Variants in SEC14L1 observed in about 807,000 individuals in gnomAD.
The protein encoded by SEC14L1 is SEC14 like lipid binding 1, also known as SEC14-like protein 1.
SEC14L1 carries 48 observed loss-of-function variants against 85.3 expected under a neutral mutation model. The ratio of observed to expected loss-of-function variants is 0.56; its 90% CI spans 0.45 to 0.72. The LOEUF is 0.72. Among genes scored for constraint, SEC14L1 ranks in the 30% least tolerant of loss-of-function variants. The pLI is 0.00. For synonymous variants in SEC14L1, 391 were observed against 355.5 expected (o/e 1.10, Z -1.12); for missense variants, 682 against 921.4 (o/e 0.74, Z 3.36).
At position 77,213,130 on chromosome 17, in the gene SEC14L1, A is replaced by G. The variant is rs1976851749; in HGVS notation, c.1864-184A>G. Among the ~76,000 whole-genome samples the G allele has an allele frequency of 6.6e-6, 1 of 152,258 alleles. No homozygotes were observed. Among genetic ancestry groups the G allele is most frequent in the Non-Finnish European group, 1.5e-5 (1 of 68,044 alleles). On this transcript the variant is annotated intron_variant, in intron 15 of 16. Coordinates refer to ENST00000436233, the MANE Select transcript of SEC14L1 (RefSeq NM_001143998.2). This position sits in a 1 kb window ranked among gnomAD's most constrained non-coding sequence, Gnocchi z 7.1. ...CCAGCACCCGGGAGTGACCACACTC[A>G]GTAGAGGGAAGGACATTGTCAAACC...
intron 10 of SEC14L1, among the ~76,000 whole-genome samples, chr17:77,205,048 G>A (rs77628826): frequency 0.067 from 10,266 of 152,246 alleles, 453 homozygotes; most frequent in East Asian, 0.27. Context: ...TTGGATAGCC[G>A]TTACCTTTGC....
chr17:77,207,563 A>G (rs951617940), intron 13 of SEC14L1, among the ~76,000 whole-genome samples: 3 of 151,966 alleles, frequency 2.0e-5, no homozygotes, highest in African/African-American at 4.8e-5. Context: ...GCGATTCTTC[A>G]GTCTCAGCCT....
In SEC14L1 at chr17:77,113,225, C is replaced by T. The variant is rs536169897; in HGVS notation, c.-136+19878C>T. ...ACTAGGATTTTTACAATATGTGAAACGAATTCTATCTTGAGAACAGAGTAT... is the reference window on the plus strand; with the variant it reads ...ACTAGGATTTTTACAATATGTGAAATGAATTCTATCTTGAGAACAGAGTAT... On this transcript the variant is annotated intron_variant, in intron 3 of 19. Coordinates refer to the SEC14L1 transcript ENST00000392476. Among the ~76,000 whole-genome samples the T allele has an allele frequency of 1.2e-4, 18 of 152,200 alleles. No homozygotes were observed. In the South Asian group the frequency reaches 2.5e-3, roughly 21 times the overall value.
chr17:77,194,811 C>A lies in SEC14L1; in HGVS notation c.609C>A (p.Ser203=). The A allele has an allele frequency of 3.1e-6, 5 of 1,614,222 alleles. No individual in the cohort carries two copies. Among genetic ancestry groups the A allele is most frequent in the Non-Finnish European group, 4.2e-6 (5 of 1,180,046 alleles). ...CATCCTCCAAGAAACAAGCAGCGTC[C>A]ATGGCCGTCGTCATCCCAGAAGCTG... ...SSSSSKKQAA[S]MAVVIPEAAL... The change falls in exon 7 of 17, where the codon TCC becomes TCA. Residue 203 remains serine (S), a synonymous_variant. Transcript: ENST00000436233.
At chr17:77,160,690 A>T (rs1974017614) in intron 3 of SEC14L1, among the ~76,000 whole-genome samples, 1 of 152,226 alleles carries the variant, frequency 6.6e-6, no homozygotes, top group Non-Finnish European at 1.5e-5. Flanking sequence ...TAGTGTCTTT[A>T]TAATTCTCTA....
In SEC14L1 at chr17:77,213,760, C is replaced by T; in HGVS notation, c.2043-158C>T. The T allele has an allele frequency of 9.9e-7, 1 of 1,005,810 alleles. No homozygotes were observed. The allele number at this position is 1,005,810 out of a possible 1,614,324, so 62.3% of individuals were successfully genotyped here. The stretch of plus-strand genomic sequence containing the variant: ...TGCAGGCTGTGGGAAGCCGGTCCCC[C>T]TGGTGGGTTACTCATGTCCATCCCC... On this transcript the variant is annotated intron_variant, in intron 16 of 16. Coordinates refer to ENST00000436233, the MANE Select transcript of SEC14L1 (RefSeq NM_001143998.2). The surrounding 1 kb of genome is among the most constrained non-coding windows in gnomAD (Gnocchi z 7.1).
chr17:77,173,276 C>T (rs936891441), intron 3 of SEC14L1, among the ~76,000 whole-genome samples: 4 of 151,926 alleles, frequency 2.6e-5, no homozygotes, highest in Non-Finnish European at 5.9e-5. Flanking sequence ...TTACATTGTT[C>T]TGTCTCGCAC....
intron 3 of SEC14L1, among the ~76,000 whole-genome samples, chr17:77,153,858 C>T (rs962430710): frequency 3.9e-5 from 6 of 152,176 alleles, no homozygotes; most frequent in African/African-American, 1.4e-4. Flanking sequence ...TGATCCATCT[C>T]TCTTGATTTT....
rs1471910014 is a variant in SEC14L1 at position 77,128,746 on chromosome 17, G to A, written c.-135-13900G>A. Among the ~76,000 whole-genome samples, 8 of 151,978 alleles carry A rather than the reference G, an allele frequency of 5.3e-5. No homozygotes were observed. In the South Asian group the frequency reaches 8.3e-4, roughly 16 times the overall value. On this transcript the variant is annotated intron_variant, in intron 3 of 19. Transcript: ENST00000392476. ...TGGGATTACAGATGTGATTCACCGC[G>A]CCTGGCCACGCTTGGGCATTTTAAA...
chr17:77,209,239 C>A, intron 13 of SEC14L1, 103 bp from the exon 14 acceptor site: 1 of 1,395,748 alleles, frequency 7.2e-7, no homozygotes, highest in Non-Finnish European at 9.8e-7. Context: ...TCTCAGCAAC[C>A]TCCAGAAGTT....
chr17:77,110,738 A>G (rs960560604), intron 3 of SEC14L1, among the ~76,000 whole-genome samples: 8 of 151,322 alleles, frequency 5.3e-5, no homozygotes, highest in African/African-American at 1.9e-4. Context: ...CAAAAAATTA[A>G]CTGGGCGTGT....
At chr17:77,138,644 C>CA (rs1030276622), upstream of SEC14L1, among the ~76,000 whole-genome samples, 20 of 151,362 alleles carry the variant, frequency 1.3e-4, no homozygotes, top group East Asian at 3.9e-4. Context: ...AACAAAAAAA[C>CA]AAAAAAAACC....
intron 11 of SEC14L1, among the ~76,000 whole-genome samples, chr17:77,205,877 A>G (rs528879261): frequency 1.5e-3 from 234 of 152,294 alleles, no homozygotes; most frequent in Middle Eastern, 3.4e-3. Context: ...ATGTGTTAAA[A>G]TACCAGCTGT....
At chr17:77,096,969 A>G (rs1971663240) in intron 3 of SEC14L1, among the ~76,000 whole-genome samples, 1 of 152,182 alleles carries the variant, frequency 6.6e-6, no homozygotes, top group Admixed American at 6.6e-5. Flanking sequence ...TTGGTTCGTG[A>G]TAAGTGCTTT....
intron 3 of SEC14L1, among the ~76,000 whole-genome samples, chr17:77,161,022 T>A (rs1416685044): frequency 6.6e-6 from 1 of 152,214 alleles, no homozygotes; most frequent in Non-Finnish European, 1.5e-5. Flanking sequence ...CTGTCCAGTT[T>A]GAAAGAAGCT....
chr17:77,173,858 A>G (rs1340830406), intron 3 of SEC14L1, among the ~76,000 whole-genome samples: 4 of 150,986 alleles, frequency 2.6e-5, no homozygotes, highest in Non-Finnish European at 2.9e-5. Context: ...TGAGTTTGTG[A>G]GGCTCAACCT....
Position 77,194,719 on chromosome 17 carries a change from G to A in SEC14L1, c.517G>A (p.Glu173Lys). 1 of 1,614,190 alleles carries A rather than the reference G, an allele frequency of 6.2e-7. No individual in the cohort carries two copies. Among genetic ancestry groups the A allele is most frequent in the Non-Finnish European group, 8.5e-7 (1 of 1,180,000 alleles). ...IEYYLRQLEE[E>K]GITFVPRWSP... ...ATACTACCTTCGCCAATTAGAAGAA[G>A]AAGGCATAACCTTTGTGCCCCGTTG... The change falls in exon 7 of 17, where the codon GAA (glutamate) becomes AAA (lysine). Residue 173 changes from glutamate (E) to lysine (K), a missense_variant. Physicochemically the swap from Glu to Lys is moderately conservative, Grantham distance 56 (BLOSUM62 1). Coordinates refer to ENST00000436233, the MANE Select transcript of SEC14L1 (RefSeq NM_001143998.2).
chr17:77,161,915 T>C (rs1375272786), intron 3 of SEC14L1, among the ~76,000 whole-genome samples: 1 of 150,264 alleles, frequency 6.7e-6, no homozygotes, highest in African/African-American at 2.4e-5. Context: ...TTTCTCTTCT[T>C]TTCTTCTTTC....
At position 77,209,452 on chromosome 17, in the gene SEC14L1, C is replaced by T. The variant is rs567642075; in HGVS notation, c.1587C>T (p.Ser529=). 6.1e-5 allele frequency: 99 copies of T among 1,614,142 alleles called. No homozygotes were observed. The highest frequency in any genetic ancestry group is 1.4e-4 in the South Asian group (13 of 91,078). Reference sequence around the variant, plus strand: ...CTGAGACCATCTACCAGTCTGCAAGCGTCTTCAAAGGAGCCCCACATGAGG... The same window carrying T: ...CTGAGACCATCTACCAGTCTGCAAGTGTCTTCAAAGGAGCCCCACATGAGG... ...LWTETIYQSA[S]VFKGAPHEIL... Residue 529 remains serine, a synonymous_variant, in exon 14 of 17, where the codon AGC becomes AGT. Transcript: ENST00000436233.
Sources: allele counts gnomAD v4.1 joint callset (sites outside exome capture counted in the v4.1 genomes callset), GRCh38; gene constraint gnomAD v4.1.1; non-coding constraint Gnocchi (gnomAD v3.1); transcripts MANE v1.5; gene names NCBI Gene and HGNC (gene_info 2026-07-23, HGNC 2026-07-21).